The following PCDHA9 variants were observed in gnomAD, a reference collection of about 807,000 sequenced individuals.
PCDHA9 encodes protocadherin alpha-9.
In PCDHA9, 62 loss-of-function variants were observed where a neutral mutation model predicts 62.0. The observed-to-expected ratio is 1.00, with a 90% confidence interval of 0.81 to 1.23. PCDHA9 has a LOEUF of 1.23. Ranked by LOEUF, PCDHA9 falls within the 50% of genes most tolerant of loss-of-function variation. The pLI, the probability that PCDHA9 is intolerant of heterozygous loss-of-function variation, is 0.00. For missense variants in PCDHA9, 1,205 were observed against 1,249.8 expected (o/e 0.96, Z 0.54); for synonymous variants, 557 against 567.6 (o/e 0.98, Z 0.27).
chr5:140,875,826 T>C lies in PCDHA9; in HGVS notation c.2394+24937T>C, dbSNP rs367888868. ...TGGACAGGCCGCTGCAGGTTTTCCA[T>C]GTGGACGTGGAGGTGAAGGACATTA... is the stretch of plus-strand genomic sequence containing the variant. On this transcript the variant is annotated intron_variant, in intron 1 of 3. Coordinates refer to ENST00000532602, the MANE Select transcript of PCDHA9 (RefSeq NM_031857.2). 25 of 1,614,126 alleles carry C rather than the reference T, an allele frequency of 1.5e-5. No homozygotes were observed. In the African/African-American group the frequency reaches 2.3e-4, roughly 15 times the overall value.
intron 1 of PCDHA9, chr5:140,883,896 C>G (rs199847007): frequency 6.2e-7 from 1 of 1,613,386 alleles, no homozygotes; most frequent in African/African-American, 1.3e-5. Context: ...TCTGGCGTGC[C>G]GCCTCTGGGC....
rs1195729562 is a variant in PCDHA9, at chr5:140,897,783, G to A, written c.2394+46894G>A. 1.3e-3 allele frequency among the ~76,000 whole-genome samples: 204 copies of A among 152,264 alleles called. 1 individual carries two copies. The highest frequency in any genetic ancestry group is 0.011 in the South Asian group (52 of 4,820). ...CGCCACACTGACTTCCACAATGGTTGAACTAGTTTAGAGTCCCACCAACAG... is the reference window on the plus strand; with the variant it reads ...CGCCACACTGACTTCCACAATGGTTAAACTAGTTTAGAGTCCCACCAACAG... On this transcript the variant is annotated intron_variant, in intron 1 of 3. Transcript: ENST00000532602.
chr5:140,946,574 G>A (rs246054), intron 1 of PCDHA9, among the ~76,000 whole-genome samples: 79,382 of 143,554 alleles, frequency 0.55, 22,609 homozygotes, highest in African/African-American at 0.68. Context: ...AATCAACTTA[G>A]GTGTTCATAG....
intron 1 of PCDHA9, among the ~76,000 whole-genome samples, chr5:140,895,223 G>A (rs782692616): frequency 4.0e-4 from 61 of 152,232 alleles, no homozygotes; most frequent in Admixed American, 2.6e-4. Flanking sequence ...ATATTTTACT[G>A]AGTTTTCTCA....
chr5:140,886,602 C>A (rs1167539535), intron 1 of PCDHA9, among the ~76,000 whole-genome samples: 1 of 151,638 alleles, frequency 6.6e-6, no homozygotes, highest in Non-Finnish European at 1.5e-5. Flanking sequence ...CCAAGGTGGG[C>A]GGATCAGGAG....
At chr5:140,860,679 T>A (rs1465789150) in intron 1 of PCDHA9, 1 of 152,238 alleles carries the variant, frequency 6.6e-6, no homozygotes, top group Non-Finnish European at 1.5e-5. Flanking sequence ...AATGCACTTA[T>A]GTTTTGAGCG....
intron 1 of PCDHA9, among the ~76,000 whole-genome samples, chr5:140,905,614 A>T (rs1167406063): frequency 6.6e-6 from 1 of 152,094 alleles, no homozygotes; most frequent in Non-Finnish European, 1.5e-5. Flanking sequence ...GAATCTATAG[A>T]TTGCTTTTGA....
At chr5:140,979,710 A>G (rs1178718053) in intron 2 of PCDHA9, among the ~76,000 whole-genome samples, 1 of 152,268 alleles carries the variant, frequency 6.6e-6, no homozygotes, top group Non-Finnish European at 1.5e-5. Flanking sequence ...GAGGTGATCC[A>G]GTATCCATGC....
At chr5:140,894,973 C>G (rs1297295605) in intron 1 of PCDHA9, among the ~76,000 whole-genome samples, 1 of 152,076 alleles carries the variant, frequency 6.6e-6, no homozygotes, top group Non-Finnish European at 1.5e-5. Context: ...TTTTTAATGT[C>G]TTACTTTGTG....
At chr5:141,008,809 C>T (rs1397377778) in intron 3 of PCDHA9, among the ~76,000 whole-genome samples, 2 of 152,160 alleles carry the variant, frequency 1.3e-5, no homozygotes, top group African/African-American at 4.8e-5. Flanking sequence ...CAAATAGGCT[C>T]AATTTACAAC....
At chr5:140,987,235 TAAAG>T (rs1182642222) in intron 3 of PCDHA9, among the ~76,000 whole-genome samples, 2 of 151,266 alleles carry the variant, frequency 1.3e-5, no homozygotes, top group African/African-American at 2.4e-5. Flanking sequence ...AAATAATAAA[TAAAG>T]AAAGAAAGAC....
intron 1 of PCDHA9, chr5:140,869,738 T>C (rs1454972321): frequency 1.2e-6 from 2 of 1,613,348 alleles, no homozygotes; most frequent in Non-Finnish European, 8.5e-7. Flanking sequence ...AATTTGCTGC[T>C]AACAGCTACA....
chr5:140,859,875 T>G (rs1554152798), intron 1 of PCDHA9: 1 of 152,066 alleles, frequency 6.6e-6, no homozygotes, highest in East Asian at 1.9e-4. Flanking sequence ...CTTCCCCCTC[T>G]GATATTTTGA....
At chr5:140,950,517 A>G (rs1210598995) in intron 1 of PCDHA9, among the ~76,000 whole-genome samples, 1 of 152,012 alleles carries the variant, frequency 6.6e-6, no homozygotes, top group African/African-American at 2.4e-5. Flanking sequence ...CCTGTGTGCG[A>G]TATGATTGTT....
chr5:140,966,710 G>A, intron 1 of PCDHA9: 1 of 1,391,664 alleles, frequency 7.2e-7, no homozygotes, highest in Non-Finnish European at 9.3e-7. Flanking sequence ...GTGGGGCACG[G>A]CTGGGGAAGC....
chr5:140,946,611 AATAT>A (rs1554217734), intron 1 of PCDHA9, among the ~76,000 whole-genome samples: 10 of 86,794 alleles, frequency 1.2e-4, no homozygotes, highest in Admixed American at 4.7e-4. Flanking sequence ...GAAAATGTGA[AATAT>A]ATATATATAT....
At chr5:140,867,507 C>A (rs190699676) in intron 1 of PCDHA9, 36 of 152,086 alleles carry the variant, frequency 2.4e-4, no homozygotes, top group African/African-American at 7.5e-4. Context: ...AGAACAAAAT[C>A]TCAAATTAAT....
At chr5:140,900,954 A>T (rs942765998) in intron 1 of PCDHA9, among the ~76,000 whole-genome samples, 3 of 152,204 alleles carry the variant, frequency 2.0e-5, no homozygotes, top group Non-Finnish European at 2.9e-5. Context: ...TTCTCTGATT[A>T]TCAGTGATGT....
Position 140,870,071 on chromosome 5 carries a change from A to G in PCDHA9, c.2394+19182A>G, listed in dbSNP as rs782336770. Reference sequence around the variant, plus strand: ...TATAAAATTGAAGTACAGGCTACAGATAAGGGGACTCCCCCAATGGCAGGT... The same window carrying G: ...TATAAAATTGAAGTACAGGCTACAGGTAAGGGGACTCCCCCAATGGCAGGT... On this transcript the variant is annotated intron_variant, in intron 1 of 3. Coordinates refer to ENST00000532602, the MANE Select transcript of PCDHA9 (RefSeq NM_031857.2). 13 of 1,613,778 alleles carry G rather than the reference A, an allele frequency of 8.1e-6. No homozygotes were observed. The highest frequency in any genetic ancestry group is 1.3e-5 in the African/African-American group (1 of 74,950).
Sources: allele counts gnomAD v4.1 joint callset (sites outside exome capture counted in the v4.1 genomes callset), GRCh38; gene constraint gnomAD v4.1.1; transcripts MANE v1.5; gene names NCBI Gene and HGNC (gene_info 2026-07-23, HGNC 2026-07-21).